Variants in ABHD12 observed in about 807,000 individuals in gnomAD.
ABHD12 encodes the protein abhydrolase domain containing 12, lysophospholipase.
In ABHD12, 43 loss-of-function variants were observed where a neutral mutation model predicts 58.3. The ratio of observed to expected loss-of-function variants is 0.74; its 90% CI spans 0.58 to 0.95. ABHD12 has a LOEUF of 0.95. Ranked by LOEUF, ABHD12 falls within the 40% of genes least tolerant of loss-of-function variation. ABHD12 has a pLI of 0.00. For missense variants in ABHD12, 539 were observed against 537.2 expected, an observed-to-expected ratio of 1.00 and a Z score of -0.03; for synonymous variants, 219 against 211.2, an observed-to-expected ratio of 1.04 and a Z score of -0.32.
At chr20:25,316,307 C>T (rs573500916) in intron 5 of ABHD12, among the ~76,000 whole-genome samples, 2 of 152,192 alleles carry the variant, frequency 1.3e-5, no homozygotes, top group African/African-American at 4.8e-5. Context: ...TACAGGCGCC[C>T]GCCACCACGC....
At chr20:25,324,606 A>G (rs538892910) in intron 2 of ABHD12, among the ~76,000 whole-genome samples, 86 of 152,268 alleles carry the variant, frequency 5.6e-4, no homozygotes, top group African/African-American at 1.9e-3. Context: ...TGGTGAAGAC[A>G]GGGGTTGCGT....
At chr20:25,389,431 G>A (rs2090139310) in intron 1 of ABHD12, among the ~76,000 whole-genome samples, 1 of 152,140 alleles carries the variant, frequency 6.6e-6, no homozygotes, top group South Asian at 2.1e-4. Flanking sequence ...CAAGTGGCCA[G>A]CGTCAACTAA....
At chr20:25,308,637 C>T in intron 7 of ABHD12, 143 bp from the exon 8 acceptor site, 1 of 1,042,580 alleles carries the variant, frequency 9.6e-7, no homozygotes, top group Non-Finnish European at 1.4e-6. Flanking sequence ...AAATGGAGAT[C>T]CCTCTAGCAC....
At chr20:25,386,789 GA>G (rs1454408499) in intron 1 of ABHD12, among the ~76,000 whole-genome samples, 1 of 152,000 alleles carries the variant, frequency 6.6e-6, no homozygotes, top group Non-Finnish European at 1.5e-5. Context: ...GCTGAGGCCA[GA>G]GAATTGCTTG....
chr20:25,378,200 C>T (rs774131822), intron 1 of ABHD12, among the ~76,000 whole-genome samples: 2 of 152,178 alleles, frequency 1.3e-5, no homozygotes, highest in African/African-American at 4.8e-5. Flanking sequence ...GTAGACTAAC[C>T]TTCTCCAGCC....
intron 1 of ABHD12, among the ~76,000 whole-genome samples, chr20:25,376,799 C>T (rs1368042670): frequency 2.0e-5 from 3 of 152,130 alleles, no homozygotes; most frequent in African/African-American, 2.4e-5. Flanking sequence ...AAAAGACATA[C>T]TTGCTAAATG....
chr20:25,336,384 A>G (rs751900973), intron 2 of ABHD12, among the ~76,000 whole-genome samples: 1 of 152,206 alleles, frequency 6.6e-6, no homozygotes, highest in Non-Finnish European at 1.5e-5. Context: ...AAAGTAGAAT[A>G]ATGCCTTACA....
intron 2 of ABHD12, chr20:25,338,992 G>A (rs2089417092): frequency 7.8e-7 from 1 of 1,288,372 alleles, no homozygotes; most frequent in East Asian, 3.7e-5. Context: ...CAGCTGGGAA[G>A]GGGCACAGGG....
At chr20:25,310,785 C>T (rs2088835013) in intron 6 of ABHD12, among the ~76,000 whole-genome samples, 1 of 151,976 alleles carries the variant, frequency 6.6e-6, no homozygotes, top group Non-Finnish European at 1.5e-5. Flanking sequence ...CAGAAGGATG[C>T]GGACAAAGAG....
intron 2 of ABHD12, 123 bp downstream of exon 2, chr20:25,339,104 G>A (rs972832728): frequency 1.4e-6 from 2 of 1,475,910 alleles, no homozygotes; most frequent in African/African-American, 1.4e-5. Context: ...CTTAAGATAT[G>A]TACCCTTCAC....
At chr20:25,299,235 A>G (rs1293569738), downstream of ABHD12, among the ~76,000 whole-genome samples, 1 of 152,136 alleles carries the variant, frequency 6.6e-6, no homozygotes, top group Non-Finnish European at 1.5e-5. Context: ...CATCTTTACA[A>G]AACATACAAG....
At chr20:25,326,049 T>C (rs2089169385) in intron 2 of ABHD12, among the ~76,000 whole-genome samples, 2 of 130,296 alleles carry the variant, frequency 1.5e-5, no homozygotes, top group Admixed American at 1.9e-4. Context: ...CCAGCCTTGA[T>C]GAAAGAGTGA....
chr20:25,379,955 G>A (rs1042395181), intron 1 of ABHD12, among the ~76,000 whole-genome samples: 27 of 151,808 alleles, frequency 1.8e-4, no homozygotes, highest in African/African-American at 6.5e-4. Flanking sequence ...CTCCCAAAGT[G>A]CTAGGATTAC....
intron 1 of ABHD12, among the ~76,000 whole-genome samples, chr20:25,385,331 C>CAAAAAAAAAAAAAAAAAAAAAAAAA (rs11477490): frequency 1.9e-5 from 1 of 51,716 alleles, no homozygotes. Context: ...GAGTGAGACT[C>CAAAAAAAAAAAAAAAAAAAAAAAAA]AAAAAAAAAA....
rs758316679 is a variant in ABHD12 at position 25,339,350 on chromosome 20, G to A, written c.193C>T (p.Arg65Ter). 1.3e-5 allele frequency: 21 copies of A among 1,613,854 alleles called. No homozygotes were observed. Among genetic ancestry groups the A allele is most frequent in the Middle Eastern group, 1.6e-4 (1 of 6,084 alleles). ...CTCAGGCGCAACCACACGCCCTTTC[G>A]CCTGCAAGAGAAAAGCAATGAATAG... ...DAGMKRALGR[R>*]KGVWLRLRKI... Residue 65 changes from arginine (R) to a stop codon, truncating the protein, a stop_gained and splice_region_variant, in exon 2 of 13, where the codon CGA becomes TGA. Coordinates refer to ENST00000339157, the MANE Select transcript of ABHD12 (RefSeq NM_001042472.3). LOFTEE classifies it high-confidence loss of function.
At chr20:25,380,580 T>C (rs2482941) in intron 1 of ABHD12, among the ~76,000 whole-genome samples, 93,743 of 151,812 alleles carry the variant, frequency 0.62, 30,510 homozygotes, top group African/African-American at 0.79. Context: ...AGGCTTTTGC[T>C]CCCACCACTG....
chr20:25,382,708 C>T (rs965149736), intron 1 of ABHD12, among the ~76,000 whole-genome samples: 3 of 152,102 alleles, frequency 2.0e-5, no homozygotes, highest in African/African-American at 7.2e-5. Context: ...CCAAAGATAC[C>T]CCTCACAGTT....
intron 1 of ABHD12, among the ~76,000 whole-genome samples, chr20:25,381,886 G>A (rs1479149649): frequency 6.6e-6 from 1 of 152,124 alleles, no homozygotes; most frequent in African/African-American, 2.4e-5. Context: ...CTGAACTCCT[G>A]AACTCAAGTG....
chr20:25,347,492 T>C (rs2146053615), intron 1 of ABHD12, among the ~76,000 whole-genome samples: 1 of 152,300 alleles, frequency 6.6e-6, no homozygotes. Context: ...TAATAAAATT[T>C]ATTTTTTCTA....
Sources: gnomAD v4.1 joint callset for allele counts (sites outside exome capture counted in the v4.1 genomes callset) on GRCh38, gnomAD v4.1.1 for gene constraint, MANE v1.5 for transcripts, NCBI Gene and HGNC (gene_info 2026-07-23, HGNC 2026-07-21) for gene names.